Variants in SYT2 observed in about 807,000 individuals in gnomAD.
SYT2 encodes synaptotagmin-2.
A neutral mutation model predicts 39.9 loss-of-function variants in SYT2; 15 were observed. That is an observed-to-expected ratio of 0.38 (90% confidence interval 0.25 to 0.58). The LOEUF (loss-of-function observed/expected upper bound fraction) is 0.58. Among genes scored for constraint, SYT2 ranks in the 20% least tolerant of loss-of-function variants. SYT2 has a pLI of 0.70. For synonymous variants in SYT2, 181 were observed against 204.5 expected, an observed-to-expected ratio of 0.89 and a Z score of 0.98; for missense variants, 389 against 530.3, an observed-to-expected ratio of 0.73 and a Z score of 2.62.
In SYT2 at chr1:202,599,497, C is replaced by T; in HGVS notation, c.920-146G>A. ...GCCCTCAGAAAGCCCCAAGTCATGC[C>T]ATCCAGTTCAAAGGTGGCAAAAGGC... On this transcript the variant is annotated intron_variant, in intron 7 of 8. Coordinates refer to ENST00000367268, the MANE Select transcript of SYT2 (RefSeq NM_177402.5). This position sits in a 1 kb window ranked among gnomAD's most constrained non-coding sequence, Gnocchi z 4.4. 1.1e-6 allele frequency: 1 copy of T among 951,358 alleles called. No homozygotes were observed. Among genetic ancestry groups the T allele is most frequent in the African/African-American group, 1.7e-5 (1 of 58,752 alleles). 58.9% of individuals were successfully genotyped at this position (951,358 alleles called of 1,614,324 possible).
chr1:202,666,736 C>T (rs1234997479), intron 1 of SYT2, among the ~76,000 whole-genome samples: 2 of 152,220 alleles, frequency 1.3e-5, no homozygotes, highest in African/African-American at 2.4e-5. Flanking sequence ...AATCCCAGCA[C>T]TTTGGGAGGC....
At chr1:202,672,387 C>T (rs917444311) in intron 1 of SYT2, among the ~76,000 whole-genome samples, 6 of 152,010 alleles carry the variant, frequency 3.9e-5, no homozygotes, top group Admixed American at 2.0e-4. Flanking sequence ...CTGACATCTG[C>T]GAGCCAGGAA....
At chr1:202,652,275 C>T (rs1692208502) in intron 1 of SYT2, among the ~76,000 whole-genome samples, 1 of 152,116 alleles carries the variant, frequency 6.6e-6, no homozygotes, top group Admixed American at 6.6e-5. Flanking sequence ...AAACATATGT[C>T]AAGGGTTGTG....
chr1:202,650,998 G>C (rs989736565), intron 1 of SYT2, among the ~76,000 whole-genome samples: 1 of 152,214 alleles, frequency 6.6e-6, no homozygotes, highest in African/African-American at 2.4e-5. Context: ...CGGGAGTGGG[G>C]TGGGAGGGGC....
intron 1 of SYT2, among the ~76,000 whole-genome samples, chr1:202,619,616 A>G (rs751653796): frequency 3.9e-5 from 6 of 152,230 alleles, no homozygotes; most frequent in African/African-American, 7.2e-5. Context: ...GTGCCCAGGG[A>G]TCTGCATTGT....
At position 202,599,751 on chromosome 1, in the gene SYT2, G is replaced by A. The variant is rs1274212223; in HGVS notation, c.920-400C>T. 2.0e-5 allele frequency among the ~76,000 whole-genome samples: 3 copies of A among 152,180 alleles called. No homozygotes were observed. Among genetic ancestry groups the A allele is most frequent in the Admixed American group, 6.5e-5 (1 of 15,284 alleles). ...AGACAAGAAACTGAGGCCAAAGAACGGAAATGACCTGCCCGAGGTCACACA... is the reference window on the plus strand; with the variant it reads ...AGACAAGAAACTGAGGCCAAAGAACAGAAATGACCTGCCCGAGGTCACACA... On this transcript the variant is annotated intron_variant, in intron 7 of 8. Transcript: ENST00000367268. This position sits in a 1 kb window ranked among gnomAD's most constrained non-coding sequence, Gnocchi z 4.4.
In SYT2 at chr1:202,605,735, A is replaced by C. The variant is rs755370697; in HGVS notation, c.38T>G (p.Val13Gly). 10 of 1,614,090 alleles carry C rather than the reference A, an allele frequency of 6.2e-6. No individual in the cohort carries two copies. The highest frequency in any genetic ancestry group is 7.6e-6 in the Non-Finnish European group (9 of 1,179,980). ...CGTGGCGGTGGTGGTGGCAGGAGCC[A>C]CAATAGGCTCCTGGTTCCTCTTGAA... ...NIFKRNQEPIVAPATTTATMP... is the reference protein window; with the variant it reads ...NIFKRNQEPIGAPATTTATMP... The change falls in exon 2 of 9, where the codon GTG (valine) becomes GGG (glycine). Residue 13 changes from valine (V) to glycine (G), a missense_variant. By Grantham distance (109) the Val-to-Gly change is moderately radical. Transcript: ENST00000367268.
At chr1:202,606,395 G>A (rs560656314) in intron 1 of SYT2, among the ~76,000 whole-genome samples, 15 of 152,100 alleles carry the variant, frequency 9.9e-5, no homozygotes, top group African/African-American at 3.4e-4. Context: ...TACACTGAGG[G>A]CTCCTCTTTC....
chr1:202,602,848 G>C, intron 4 of SYT2, 151 bp downstream of exon 4: 1 of 996,206 alleles, frequency 1.0e-6, no homozygotes, highest in Non-Finnish European at 1.5e-6. Flanking sequence ...TCAATGTCCA[G>C]AGCTATAGGC....
intron 1 of SYT2, among the ~76,000 whole-genome samples, chr1:202,624,766 G>GT (rs1691320262): frequency 4.8e-5 from 1 of 20,718 alleles, no homozygotes; most frequent in African/African-American, 1.6e-4. Flanking sequence ...GTGTGTGTGT[G>GT]GTGTGTGGTG....
intron 1 of SYT2, among the ~76,000 whole-genome samples, chr1:202,688,169 T>C (rs1401039668): frequency 1.3e-5 from 2 of 151,990 alleles, no homozygotes; most frequent in African/African-American, 2.4e-5. Flanking sequence ...GCTTTAACAC[T>C]CTACTCTGCA....
At chr1:202,627,489 C>G in intron 1 of SYT2, 1 of 985,364 alleles carries the variant, frequency 1.0e-6, no homozygotes. Context: ...ACACCCAGGG[C>G]CTGAGTGGTC....
chr1:202,704,567 T>C (rs961349246), intron 1 of SYT2, among the ~76,000 whole-genome samples: 3 of 151,148 alleles, frequency 2.0e-5, no homozygotes, highest in African/African-American at 7.3e-5. Context: ...AGGTCTGGAG[T>C]CTCCGAAGGA....
chr1:202,609,462 G>A (rs1358001268), intron 1 of SYT2, among the ~76,000 whole-genome samples: 5 of 152,130 alleles, frequency 3.3e-5, no homozygotes, highest in African/African-American at 7.2e-5. Context: ...CTGAGGAATC[G>A]CCACACTGAC....
chr1:202,643,040 G>A (rs1334905810), intron 1 of SYT2, among the ~76,000 whole-genome samples: 1 of 152,254 alleles, frequency 6.6e-6, no homozygotes, highest in Non-Finnish European at 1.5e-5. Context: ...GGTCTAGCCA[G>A]GTAATTCCGA....
intron 1 of SYT2, among the ~76,000 whole-genome samples, chr1:202,687,666 C>CAAAAAAAAA (rs59844832): frequency 2.4e-5 from 2 of 83,900 alleles, no homozygotes; most frequent in African/African-American, 5.3e-5. Flanking sequence ...AACTCCATCT[C>CAAAAAAAAA]AAAAAAAAAA....
rs1654155246 is a variant in SYT2 at position 202,702,878 on chromosome 1, C to T, written c.-18+7380G>A. Reference sequence around the variant, plus strand: ...AGACAAGGACAGTCCTCAGAGACCTCTACCACCCTCAGCCCAAGCCCCTCT... The same window carrying T: ...AGACAAGGACAGTCCTCAGAGACCTTTACCACCCTCAGCCCAAGCCCCTCT... On this transcript the variant is annotated intron_variant, in intron 1 of 8. Coordinates refer to ENST00000367268, the MANE Select transcript of SYT2 (RefSeq NM_177402.5). 3.9e-5 allele frequency among the ~76,000 whole-genome samples: 6 copies of T among 152,352 alleles called. No individual in the cohort carries two copies. In the South Asian group the frequency reaches 8.3e-4, roughly 21 times the overall value.
chr1:202,653,609 T>C (rs530210769), intron 1 of SYT2, among the ~76,000 whole-genome samples: 4 of 152,222 alleles, frequency 2.6e-5, no homozygotes, highest in South Asian at 4.1e-4. Flanking sequence ...GAATAGGGAA[T>C]GGCGGTATCT....
intron 1 of SYT2, among the ~76,000 whole-genome samples, chr1:202,703,619 G>A (rs1456245363): frequency 6.6e-6 from 1 of 152,114 alleles, no homozygotes; most frequent in Non-Finnish European, 1.5e-5. Flanking sequence ...TCCTACCTGA[G>A]CTAAAGAAGC....
Sources: gnomAD v4.1 joint callset for allele counts (sites outside exome capture counted in the v4.1 genomes callset) on GRCh38, gnomAD v4.1.1 for gene constraint, Gnocchi (gnomAD v3.1) non-coding constraint, MANE v1.5 for transcripts, NCBI Gene and HGNC (gene_info 2026-07-23, HGNC 2026-07-21) for gene names.